SLC39A11: variants seen among roughly 807,000 people sequenced by gnomAD.
SLC39A11 encodes zinc transporter ZIP11.
Under a neutral mutation model 36.1 loss-of-function variants are expected in SLC39A11, and 33 were observed. The observed-to-expected ratio is 0.91, with a 90% CI of 0.69 to 1.22. The LOEUF is 1.22. SLC39A11 is among the 50% of genes most tolerant of loss of function. The pLI is 0.00. For synonymous variants in SLC39A11, 166 were observed against 170.3 expected, an observed-to-expected ratio of 0.97 and a Z score of 0.20; for missense variants, 432 against 430.3, an observed-to-expected ratio of 1.00 and a Z score of -0.03.
chr17:72,970,357 G>A (rs1336223357), intron 4 of SLC39A11, among the ~76,000 whole-genome samples: 1 of 152,146 alleles, frequency 6.6e-6, no homozygotes, highest in African/African-American at 2.4e-5. Flanking sequence ...TATGTGAGCC[G>A]GGAAGCAAGA....
chr17:72,795,996 G>C (rs1471010793), intron 6 of SLC39A11, among the ~76,000 whole-genome samples: 1 of 152,102 alleles, frequency 6.6e-6, no homozygotes, highest in Non-Finnish European at 1.5e-5. Context: ...TATAGAAAAT[G>C]ACTACAACAA....
At chr17:72,813,691 CA>C (rs1011061955) in intron 6 of SLC39A11, among the ~76,000 whole-genome samples, 1 of 152,210 alleles carries the variant, frequency 6.6e-6, no homozygotes, top group African/African-American at 2.4e-5. Flanking sequence ...ATAGCACTGC[CA>C]GGGGCACTTC....
chr17:72,837,880 A>G, intron 6 of SLC39A11: 1 of 1,102,606 alleles, frequency 9.1e-7, no homozygotes, highest in Non-Finnish European at 1.1e-6. Flanking sequence ...CAGGGGCTGG[A>G]GGGAGGGAGG....
intron 7 of SLC39A11, among the ~76,000 whole-genome samples, chr17:72,653,099 G>A (rs1191316758): frequency 3.7e-5 from 5 of 133,770 alleles, no homozygotes; most frequent in Non-Finnish European, 7.7e-5. Flanking sequence ...TCTGTTGCAC[G>A]CTTTTTTTTT....
At chr17:73,085,376 G>A (rs1464792702) in intron 2 of SLC39A11, among the ~76,000 whole-genome samples, 4 of 151,952 alleles carry the variant, frequency 2.6e-5, no homozygotes, top group African/African-American at 4.8e-5. Context: ...CTGGGTGCAA[G>A]GGTTCATGCC....
intron 4 of SLC39A11, among the ~76,000 whole-genome samples, chr17:72,962,594 T>C (rs947598856): frequency 1.1e-4 from 17 of 152,140 alleles, no homozygotes; most frequent in African/African-American, 3.9e-4. Context: ...TGGAGTACAG[T>C]GGCCCGACCT....
intron 6 of SLC39A11, among the ~76,000 whole-genome samples, chr17:72,806,742 C>T (rs2077269962): frequency 6.6e-6 from 1 of 152,138 alleles, no homozygotes; most frequent in Non-Finnish European, 1.5e-5. Flanking sequence ...GTCACCATGC[C>T]GGGCTAATTT....
At chr17:73,049,475 T>C (rs1568188653) in intron 3 of SLC39A11, among the ~76,000 whole-genome samples, 1 of 152,264 alleles carries the variant, frequency 6.6e-6, no homozygotes, top group East Asian at 1.9e-4. Context: ...TATGTGAACA[T>C]GTCCTGGGAG....
intron 4 of SLC39A11, among the ~76,000 whole-genome samples, chr17:73,021,316 A>C (rs1164777351): frequency 6.6e-6 from 1 of 152,048 alleles, no homozygotes; most frequent in African/African-American, 2.4e-5. Context: ...GATTAGATGC[A>C]TACTCAGTTC....
chr17:72,849,500 T>C, intron 6 of SLC39A11, 134 bp downstream of exon 6: 1 of 838,030 alleles, frequency 1.2e-6, no homozygotes, highest in Non-Finnish European at 1.7e-6. Context: ...GAAAGATTTG[T>C]ACTGCCACCT....
At chr17:72,946,027 AC>A (rs1403182520) in intron 5 of SLC39A11, among the ~76,000 whole-genome samples, 2 of 152,214 alleles carry the variant, frequency 1.3e-5, no homozygotes, top group Non-Finnish European at 2.9e-5. Flanking sequence ...TCAAAGGGGA[AC>A]CCAGGAGCCC....
intron 2 of SLC39A11, 147 bp from the exon 3 acceptor site, chr17:73,084,993 G>A: frequency 1.3e-6 from 1 of 771,720 alleles, no homozygotes; most frequent in Non-Finnish European, 2.2e-6. Context: ...TTATACCATG[G>A]GCCAAGAACC....
chr17:72,704,703 C>T (rs1040474841), intron 7 of SLC39A11, among the ~76,000 whole-genome samples: 3 of 114,454 alleles, frequency 2.6e-5, no homozygotes, highest in Non-Finnish European at 6.3e-5. Flanking sequence ...TTAGCATGAC[C>T]TGGCAGTTCC....
In SLC39A11 at chr17:72,947,523, G is replaced by T. The variant is rs184740905; in HGVS notation, c.430+229C>A. ...GTCGAAAAGATGATCAAAAGGTACCGTTACCTTCTGTAGACTAAGCATGTG... is the reference window on the plus strand; with the variant it reads ...GTCGAAAAGATGATCAAAAGGTACCTTTACCTTCTGTAGACTAAGCATGTG... On this transcript the variant is annotated intron_variant, in intron 5 of 9. Coordinates refer to ENST00000255559, the MANE Select transcript of SLC39A11 (RefSeq NM_139177.4). 5.0e-4 allele frequency: 307 copies of T among 612,736 alleles called. No individual in the cohort carries two copies. Among genetic ancestry groups the T allele is most frequent in the Non-Finnish European group, 5.3e-4 (187 of 352,382 alleles). The allele number at this position is 612,736 out of a possible 1,614,324, so 38.0% of individuals were successfully genotyped here.
chr17:73,001,558 T>G (rs2089824778), intron 4 of SLC39A11, among the ~76,000 whole-genome samples: 1 of 149,972 alleles, frequency 6.7e-6, no homozygotes, highest in Non-Finnish European at 1.5e-5. Flanking sequence ...AAACTTAAAG[T>G]ATAATAATAA....
intron 3 of SLC39A11, among the ~76,000 whole-genome samples, chr17:73,049,904 C>T (rs1341494226): frequency 6.6e-6 from 1 of 152,220 alleles, no homozygotes; most frequent in African/African-American, 2.4e-5. Context: ...AGGCAGATCA[C>T]TTGAGTCCAG....
At chr17:72,707,409 G>A (rs182078050) in intron 7 of SLC39A11, among the ~76,000 whole-genome samples, 8 of 151,842 alleles carry the variant, frequency 5.3e-5, no homozygotes, top group South Asian at 4.2e-4. Flanking sequence ...AAGAGACCCC[G>A]AATGACAGAT....
intron 6 of SLC39A11, among the ~76,000 whole-genome samples, chr17:72,773,679 C>CACACACACACACACACACACACACACA (rs57105900): frequency 8.9e-5 from 13 of 145,836 alleles, no homozygotes; most frequent in Admixed American, 4.1e-4. Context: ...ACACACACAC[C>CACACACACACACACACACACACACACA]CAGTATATAA....
intron 3 of SLC39A11, among the ~76,000 whole-genome samples, chr17:73,037,313 G>A (rs1000381941): frequency 1.3e-5 from 2 of 152,172 alleles, no homozygotes; most frequent in Admixed American, 6.5e-5. Context: ...AGCACAGGTG[G>A]GGAGGTGAAA....
Sources: allele counts gnomAD v4.1 joint callset (sites outside exome capture counted in the v4.1 genomes callset), GRCh38; gene constraint gnomAD v4.1.1; transcripts MANE v1.5; gene names NCBI Gene and HGNC (gene_info 2026-07-23, HGNC 2026-07-21).